TAOK3: variants seen among roughly 807,000 people sequenced by gnomAD.
The protein encoded by TAOK3 is serine/threonine-protein kinase TAO3.
In TAOK3, 40 loss-of-function variants were observed where a neutral mutation model predicts 120.4. That is an observed-to-expected ratio of 0.33 (90% CI 0.26 to 0.43). The LOEUF (loss-of-function observed/expected upper bound fraction) is 0.43, where lower values mean the gene tolerates loss of function less well. Ranked by LOEUF, TAOK3 falls within the 20% of genes least tolerant of loss-of-function variation. The probability of loss-of-function intolerance (pLI) is 1.00; values close to 1 mark genes in which losing one functional copy is unlikely to be tolerated. For missense variants in TAOK3, 821 were observed against 1,112.1 expected (o/e 0.74, Z 3.72); for synonymous variants, 355 against 387.5 (o/e 0.92, Z 0.99).
intron 1 of TAOK3, among the ~76,000 whole-genome samples, chr12:118,293,135 C>T (rs1013602513): frequency 6.6e-6 from 1 of 152,242 alleles, no homozygotes; most frequent in Non-Finnish European, 1.5e-5. Flanking sequence ...ACTGGAGAAA[C>T]TGCCTTTTTC....
chr12:118,269,271 C>T (rs894548673), intron 1 of TAOK3, among the ~76,000 whole-genome samples: 9 of 152,032 alleles, frequency 5.9e-5, no homozygotes, highest in African/African-American at 1.9e-4. Context: ...AAACGATTCT[C>T]ATGCCTCAGC....
intron 14 of TAOK3, among the ~76,000 whole-genome samples, chr12:118,185,798 C>T (rs1003407802): frequency 1.2e-4 from 18 of 152,174 alleles, no homozygotes; most frequent in African/African-American, 4.1e-4. Context: ...ATTCAATACA[C>T]ATTTATTGAC....
At chr12:118,235,016 T>C (rs2039964084) in intron 8 of TAOK3, among the ~76,000 whole-genome samples, 1 of 152,156 alleles carries the variant, frequency 6.6e-6, no homozygotes, top group Admixed American at 6.5e-5. Context: ...TTTGCAGAGA[T>C]CTAAGTCATT....
chr12:118,220,623 G>C (rs1181217484), intron 9 of TAOK3, among the ~76,000 whole-genome samples: 1 of 151,668 alleles, frequency 6.6e-6, no homozygotes, highest in African/African-American at 2.4e-5. Flanking sequence ...ACTGAAGCAA[G>C]AGAAAAACAA....
In TAOK3 at chr12:118,181,136, C is replaced by T. The variant is rs545485149; in HGVS notation, c.1566+235G>A. On this transcript the variant is annotated intron_variant, in intron 15 of 20. Coordinates refer to ENST00000392533, the MANE Select transcript of TAOK3 (RefSeq NM_016281.4). ...CTGGGATTACAGGCGTGAGCCACCA[C>T]GCCTGGCCTCAGAATATATTTGAAT... is the stretch of plus-strand genomic sequence containing the variant. Among the ~76,000 whole-genome samples, 7 of 152,266 alleles carry T rather than the reference C, an allele frequency of 4.6e-5. No homozygotes were observed. The South Asian group carries it at 6.2e-4, about 14-fold the overall frequency.
At chr12:118,281,463 CTAGT>C (rs2042097549) in intron 1 of TAOK3, among the ~76,000 whole-genome samples, 1 of 152,120 alleles carries the variant, frequency 6.6e-6, no homozygotes, top group Admixed American at 6.5e-5. Flanking sequence ...ATGAAGGAAA[CTAGT>C]TATACTGAAA....
At chr12:118,351,669 T>A (rs2045161795) in intron 1 of TAOK3, among the ~76,000 whole-genome samples, 1 of 152,116 alleles carries the variant, frequency 6.6e-6, no homozygotes, top group African/African-American at 2.4e-5. Context: ...GTAATAAATA[T>A]TCCTATCTTT....
At chr12:118,168,720 A>C (rs1462409281) in intron 17 of TAOK3, among the ~76,000 whole-genome samples, 1 of 152,198 alleles carries the variant, frequency 6.6e-6, no homozygotes, top group Non-Finnish European at 1.5e-5. Flanking sequence ...ATACTAATGA[A>C]GTCACCAATA....
chr12:118,160,219 T>A lies in TAOK3; in HGVS notation c.2279A>T (p.Glu760Val), dbSNP rs1438113018. The A allele has an allele frequency of 6.2e-7, 1 of 1,614,128 alleles. No homozygotes were observed. Among genetic ancestry groups the A allele is most frequent in the Admixed American group, 1.7e-5 (1 of 60,014 alleles). The change falls in exon 19 of 21, where the codon GAG becomes GTG. Residue 760 changes from glutamate (E) to valine (V), a missense_variant. Physicochemically the swap from Glu to Val is moderately radical, Grantham distance 121 (BLOSUM62 -2). This residue lies in a region of TAOK3 where 354 missense variants were observed against 572.1 expected (regional missense o/e 0.62). Transcript: ENST00000392533. The surrounding 1 kb of genome is among the most constrained non-coding windows in gnomAD (Gnocchi z 4.2). ...HKTILKTLKD[E>V]QTRKLAILAE... ...CAAAATGGCAAGTTTTCTTGTCTGC[T>A]CATCTTTCAGTGTCTTTAAGATTGT...
chr12:118,165,288 T>G (rs1411858998), intron 17 of TAOK3, among the ~76,000 whole-genome samples: 1 of 152,200 alleles, frequency 6.6e-6, no homozygotes, highest in African/African-American at 2.4e-5. Flanking sequence ...AAATGAGGAC[T>G]TTAATTGAGG....
At chr12:118,260,374 A>T (rs2041174441) in intron 2 of TAOK3, among the ~76,000 whole-genome samples, 1 of 152,236 alleles carries the variant, frequency 6.6e-6, no homozygotes, top group East Asian at 1.9e-4. Flanking sequence ...AAAGTCCAAG[A>T]ATACTTGAAG....
chr12:118,270,373 T>A (rs916156612), intron 1 of TAOK3, among the ~76,000 whole-genome samples: 5 of 152,210 alleles, frequency 3.3e-5, no homozygotes, highest in Admixed American at 6.5e-5. Context: ...TTCTAAAGCA[T>A]GGTTCAGATA....
At chr12:118,172,163 C>T (rs111918519) in intron 17 of TAOK3, among the ~76,000 whole-genome samples, 9 of 152,250 alleles carry the variant, frequency 5.9e-5, no homozygotes, top group Middle Eastern at 3.4e-3. Context: ...CAAAAATTCT[C>T]GATTCTACTT....
chr12:118,301,747 C>T (rs573753875), intron 1 of TAOK3, among the ~76,000 whole-genome samples: 20 of 147,342 alleles, frequency 1.4e-4, no homozygotes, highest in African/African-American at 3.0e-4. Flanking sequence ...GAGGCTGAGG[C>T]GGGAGGATCG....
chr12:118,361,602 C>T (rs967432630), intron 1 of TAOK3, among the ~76,000 whole-genome samples: 2 of 151,816 alleles, frequency 1.3e-5, no homozygotes, highest in African/African-American at 2.4e-5. Context: ...GGATTACAGG[C>T]ATGCACCACC....
At position 118,179,925 on chromosome 12, in the gene TAOK3, C is replaced by CA. The variant is rs535082633; in HGVS notation, c.1566+1445dup. On this transcript the variant is annotated intron_variant, in intron 15 of 20. Transcript: ENST00000392533. ...CCTCCCAAAGTGCTGGGATTACAGG[C>CA]ATGAGCCACCATGCCTGGCTGGTTT... Among the ~76,000 whole-genome samples the CA allele has an allele frequency of 7.7e-4, 113 of 146,396 alleles. 1 individual carries two copies. The highest frequency in any genetic ancestry group is 2.6e-3 in the African/African-American group (104 of 39,568).
At chr12:118,176,470 G>A (rs901205411) in intron 16 of TAOK3, among the ~76,000 whole-genome samples, 1 of 152,170 alleles carries the variant, frequency 6.6e-6, no homozygotes, top group Non-Finnish European at 1.5e-5. Context: ...CTATGCAGTA[G>A]AATGACCAGA....
chr12:118,191,664 T>C (rs933932430), intron 13 of TAOK3, among the ~76,000 whole-genome samples: 13 of 152,178 alleles, frequency 8.5e-5, no homozygotes, highest in Non-Finnish European at 1.9e-4. Context: ...TTTGAACTCC[T>C]GTTTTACAGG....
At chr12:118,281,754 GAAA>G (rs551634729) in intron 1 of TAOK3, among the ~76,000 whole-genome samples, 1 of 129,438 alleles carries the variant, frequency 7.7e-6, no homozygotes, top group African/African-American at 2.8e-5. Context: ...CTCTGCCTCA[GAAA>G]AAAAAAAAAG....
Sources: allele counts gnomAD v4.1 joint callset (sites outside exome capture counted in the v4.1 genomes callset), GRCh38; gene constraint gnomAD v4.1.1; regional missense constraint gnomAD v4.1.1; non-coding constraint Gnocchi (gnomAD v3.1); transcripts MANE v1.5; gene names NCBI Gene and HGNC (gene_info 2026-07-23, HGNC 2026-07-21).